Variants in ZFHX3 observed in about 807,000 individuals in gnomAD.
The protein encoded by ZFHX3 is zinc finger homeobox protein 3.
Under a neutral mutation model 279.1 loss-of-function variants are expected in ZFHX3, and 42 were observed. That is an observed-to-expected ratio of 0.15 (90% CI 0.12 to 0.19). ZFHX3 has a LOEUF of 0.19. ZFHX3 is among the 10% of genes least tolerant of loss of function. The pLI is 1.00. For synonymous variants in ZFHX3, 2,293 were observed against 1,957.8 expected (o/e 1.17, Z -4.52); for missense variants, 4,981 against 4,754.0 (o/e 1.05, Z -1.40).
chr16:73,834,272 T>G (rs1267619081), intron 1 of ZFHX3, among the ~76,000 whole-genome samples: 1 of 152,342 alleles, frequency 6.6e-6, no homozygotes, highest in East Asian at 1.9e-4. Context: ...ATAACACCTT[T>G]GCATCTTGCA....
intron 4 of ZFHX3, among the ~76,000 whole-genome samples, chr16:73,263,214 G>T (rs1324715404): frequency 1.1e-4 from 16 of 143,938 alleles, no homozygotes; most frequent in African/African-American, 4.2e-4. Context: ...TTTTAATTTA[G>T]AGACAGAGTC....
intron 5 of ZFHX3, among the ~76,000 whole-genome samples, chr16:73,173,213 C>T (rs905156718): frequency 6.6e-6 from 1 of 151,824 alleles, no homozygotes; most frequent in Non-Finnish European, 1.5e-5. Context: ...TAAAGCAGTT[C>T]TTGCTGTTTC....
At chr16:72,821,457 C>G (rs529898038) in intron 5 of ZFHX3, among the ~76,000 whole-genome samples, 242 of 152,344 alleles carry the variant, frequency 1.6e-3, no homozygotes, top group Non-Finnish European at 2.6e-3. Context: ...ATTCAGCTCA[C>G]TCACAGCGCT....
chr16:73,528,773 A>G (rs1246888186), intron 2 of ZFHX3, among the ~76,000 whole-genome samples: 1 of 152,226 alleles, frequency 6.6e-6, no homozygotes, highest in Non-Finnish European at 1.5e-5. Context: ...GCACAGTATC[A>G]GGATGGAGTT....
intron 5 of ZFHX3, among the ~76,000 whole-genome samples, chr16:73,145,495 G>T (rs1157090301): frequency 1.3e-5 from 2 of 152,256 alleles, no homozygotes; most frequent in Non-Finnish European, 2.9e-5. Flanking sequence ...GCCAGTCTCA[G>T]AGGTGATGGA....
chr16:73,027,496 T>C (rs1255162329), intron 1 of ZFHX3, among the ~76,000 whole-genome samples: 2 of 152,208 alleles, frequency 1.3e-5, no homozygotes, highest in African/African-American at 2.4e-5. Context: ...TTTATGGGAA[T>C]TTTTGCACAA....
chr16:73,778,688 A>G (rs938875910), intron 1 of ZFHX3, among the ~76,000 whole-genome samples: 2 of 152,214 alleles, frequency 1.3e-5, no homozygotes, highest in African/African-American at 2.4e-5. Context: ...AAGGATTTAG[A>G]AAGGTCTGAA....
At chr16:73,186,713 A>G (rs994029470) in intron 5 of ZFHX3, among the ~76,000 whole-genome samples, 5 of 152,096 alleles carry the variant, frequency 3.3e-5, no homozygotes, top group African/African-American at 1.2e-4. Flanking sequence ...CATTTCTCCT[A>G]ACGATAAAGT....
chr16:73,326,920 T>C (rs1200950530), intron 3 of ZFHX3, among the ~76,000 whole-genome samples: 1 of 152,172 alleles, frequency 6.6e-6, no homozygotes, highest in Non-Finnish European at 1.5e-5. Flanking sequence ...TCAAAGTCCA[T>C]ATTATGACAT....
intron 3 of ZFHX3, among the ~76,000 whole-genome samples, chr16:73,417,690 G>C (rs2143481371): frequency 6.6e-6 from 1 of 151,776 alleles, no homozygotes; most frequent in South Asian, 2.1e-4. Flanking sequence ...AAAGAGGCTG[G>C]GTGCGGTGGC....
intron 1 of ZFHX3, among the ~76,000 whole-genome samples, chr16:73,792,461 G>A (rs1432375139): frequency 6.6e-6 from 1 of 152,196 alleles, no homozygotes; most frequent in African/African-American, 2.4e-5. Flanking sequence ...TGAGATGGAA[G>A]AGAAAAAGAC....
At chr16:73,776,725 T>C (rs1203271740) in intron 1 of ZFHX3, among the ~76,000 whole-genome samples, 1 of 152,182 alleles carries the variant, frequency 6.6e-6, no homozygotes, top group African/African-American at 2.4e-5. Context: ...TGGCTCTTTA[T>C]AAAAGCTATC....
intron 1 of ZFHX3, among the ~76,000 whole-genome samples, chr16:73,849,662 T>C (rs1961545240): frequency 6.6e-6 from 1 of 152,260 alleles, no homozygotes; most frequent in Non-Finnish European, 1.5e-5. Flanking sequence ...TCTTCGAAGA[T>C]ATATAAGTGA....
chr16:73,637,464 C>T (rs2052537814), intron 2 of ZFHX3, among the ~76,000 whole-genome samples: 1 of 151,612 alleles, frequency 6.6e-6, no homozygotes, highest in African/African-American at 2.4e-5. Flanking sequence ...AACTCCTGAC[C>T]TCGGGTGATC....
intron 2 of ZFHX3, among the ~76,000 whole-genome samples, chr16:73,493,819 T>C (rs964783483): frequency 3.9e-5 from 6 of 152,196 alleles, no homozygotes; most frequent in Admixed American, 3.9e-4. Flanking sequence ...AGCCAAGGCT[T>C]TTTGGATCTG....
At chr16:73,794,964 A>G (rs1022695173) in intron 1 of ZFHX3, among the ~76,000 whole-genome samples, 1 of 152,202 alleles carries the variant, frequency 6.6e-6, no homozygotes, top group Non-Finnish European at 1.5e-5. Context: ...TTGTGCCTTC[A>G]CATGCTATTC....
chr16:72,909,524 C>G (rs565436138), intron 3 of ZFHX3, among the ~76,000 whole-genome samples: 1 of 151,496 alleles, frequency 6.6e-6, no homozygotes, highest in Non-Finnish European at 1.5e-5. Flanking sequence ...CTTTCTCTCA[C>G]ACACACCCTC....
intron 3 of ZFHX3, among the ~76,000 whole-genome samples, chr16:73,360,258 T>G (rs1401613023): frequency 6.6e-6 from 1 of 152,200 alleles, no homozygotes; most frequent in East Asian, 1.9e-4. Flanking sequence ...ATAGACTAAT[T>G]TAATTATCAC....
Position 73,715,942 on chromosome 16 carries a change from C to G in ZFHX3, c.-1607-35702G>C, listed in dbSNP as rs116125127. ...TGGTCTTTCTAACAGCATATTTCCT[C>G]TACATCTTAATTTTTTAAACAACCA... On this transcript the variant is annotated intron_variant, in intron 1 of 17. Transcript: ENST00000641206. Among the ~76,000 whole-genome samples the G allele has an allele frequency of 2.7e-3, 415 of 152,232 alleles. 1 individual carries two copies. The highest frequency in any genetic ancestry group is 9.3e-3 in the African/African-American group (388 of 41,530).
Sources: gnomAD v4.1 joint callset for allele counts (sites outside exome capture counted in the v4.1 genomes callset) on GRCh38, gnomAD v4.1.1 for gene constraint, MANE v1.5 for transcripts, NCBI Gene and HGNC (gene_info 2026-07-23, HGNC 2026-07-21) for gene names.